CNKSR2: variants seen among roughly 807,000 people sequenced by gnomAD.
CNKSR2 encodes connector enhancer of kinase suppressor of Ras 2, also known as CNK homolog protein 2.
Under a neutral mutation model 84.4 loss-of-function variants are expected in CNKSR2, and 14 were observed. The observed-to-expected ratio is 0.17, with a 90% confidence interval of 0.11 to 0.26. The LOEUF (loss-of-function observed/expected upper bound fraction) is 0.26, where lower values mean the gene tolerates loss of function less well. CNKSR2 is among the 10% of genes least tolerant of loss of function. The pLI is 1.00. For synonymous variants in CNKSR2, 275 were observed against 277.9 expected (o/e 0.99, Z 0.10); for missense variants, 485 against 771.2 (o/e 0.63, Z 4.40).
chrX:21,479,034 T>G, intron 5 of CNKSR2, among the ~76,000 whole-genome samples: 1 of 111,702 alleles, frequency 9.0e-6, no homozygotes, highest in Non-Finnish European at 1.9e-5. Context: ...AACCATTAAG[T>G]CATTTCTTAC....
chrX:21,412,170 G>A (rs1321167857), intron 1 of CNKSR2, among the ~76,000 whole-genome samples: 2 of 111,675 alleles, frequency 1.8e-5, no homozygotes, highest in African/African-American at 6.5e-5. Context: ...AAGATTAGAC[G>A]TGTCCTCAGA....
At chrX:21,461,138 A>C (rs929904287) in intron 4 of CNKSR2, among the ~76,000 whole-genome samples, 8 of 112,390 alleles carry the variant, frequency 7.1e-5, no homozygotes, top group African/African-American at 2.6e-4. Context: ...GTACTAATAT[A>C]CATTCCCACC....
intron 9 of CNKSR2, among the ~76,000 whole-genome samples, chrX:21,516,854 G>A (rs1042421451): frequency 1.8e-5 from 2 of 111,011 alleles, no homozygotes; most frequent in African/African-American, 6.5e-5. Context: ...GCCTTAATTT[G>A]TAAACATTTA....
intron 4 of CNKSR2, among the ~76,000 whole-genome samples, chrX:21,450,495 G>A (rs2090914049): frequency 9.0e-6 from 1 of 111,625 alleles, no homozygotes; most frequent in South Asian, 3.7e-4. Flanking sequence ...AGATAAAAGA[G>A]ACAAACGTAT....
At chrX:21,385,065 A>G (rs977189905) in intron 1 of CNKSR2, among the ~76,000 whole-genome samples, 33 of 111,748 alleles carry the variant, frequency 3.0e-4, no homozygotes, top group African/African-American at 1.0e-3. Flanking sequence ...TCAGATAGGT[A>G]CACAATGGTT....
chrX:21,637,811 G>T (rs929587783), intron 20 of CNKSR2, among the ~76,000 whole-genome samples: 7 of 111,516 alleles, frequency 6.3e-5, no homozygotes, highest in African/African-American at 3.3e-5. Context: ...AAGAAGGGGA[G>T]GCTCCAAATA....
In CNKSR2 at chrX:21,470,786, A is replaced by G. The variant is rs775264986; in HGVS notation, c.540A>G (p.Thr180=). The change falls in exon 5 of 22, where the codon ACA becomes ACG. Residue 180 remains threonine (T), a synonymous_variant. Transcript: ENST00000379510. ...IVQQDCTVYE[T]ENKILHVCKT... ...TTCAGGATTGTACTGTATATGAAAC[A>G]GAGAATAAAATTCTTCACGTGGTGA... 3 of 1,019,928 alleles carry G rather than the reference A, an allele frequency of 2.9e-6. No individual in the cohort carries two copies. The highest frequency in any genetic ancestry group is 5.2e-5 in the Admixed American group (2 of 38,766). 84.1% of individuals were successfully genotyped at this position (1,019,928 alleles called of 1,213,427 possible). A position where few individuals can be genotyped will look rare whatever the true frequency, so the allele number is the denominator to read the frequency against.
At chrX:21,573,985 A>G (rs758225823) in intron 13 of CNKSR2, among the ~76,000 whole-genome samples, 5 of 111,308 alleles carry the variant, frequency 4.5e-5, no homozygotes, top group African/African-American at 1.6e-4. Flanking sequence ...TGCTCTGAGA[A>G]ATTTTTTTCA....
intron 2 of CNKSR2, among the ~76,000 whole-genome samples, chrX:21,432,092 T>C (rs1324070177): frequency 2.7e-5 from 3 of 111,980 alleles, no homozygotes; most frequent in Non-Finnish European, 5.6e-5. Context: ...TACATCATTA[T>C]GTAGAGTACG....
intron 5 of CNKSR2, among the ~76,000 whole-genome samples, chrX:21,482,875 A>G (rs2091336522): frequency 1.8e-5 from 2 of 111,686 alleles, no homozygotes; most frequent in African/African-American, 6.5e-5. Context: ...TTTGACATGT[A>G]AAGGGATTGT....
chrX:21,435,693 G>A (rs997397742), intron 3 of CNKSR2, among the ~76,000 whole-genome samples: 2 of 111,695 alleles, frequency 1.8e-5, no homozygotes, highest in African/African-American at 6.5e-5. Context: ...GCAGTTTTCT[G>A]TGGCTTTGCC....
chrX:21,639,387 T>A (rs2092684595), intron 20 of CNKSR2, among the ~76,000 whole-genome samples: 1 of 111,918 alleles, frequency 8.9e-6, no homozygotes, highest in Admixed American at 9.5e-5. Context: ...ATACTTAAGA[T>A]TCGTAATGCA....
intron 9 of CNKSR2, among the ~76,000 whole-genome samples, chrX:21,522,906 C>G (rs990073832): frequency 9.0e-6 from 1 of 110,986 alleles, no homozygotes; most frequent in Non-Finnish European, 1.9e-5. Flanking sequence ...TACATTCAAA[C>G]TGACAGTATG....
chrX:21,581,197 C>A (rs952657464), intron 13 of CNKSR2, among the ~76,000 whole-genome samples: 5 of 111,959 alleles, frequency 4.5e-5, no homozygotes, highest in Non-Finnish European at 7.5e-5. Context: ...CATTGGTGAT[C>A]ATTAACTGGT....
intron 20 of CNKSR2, chrX:21,641,772 TTGGGGGC>T: frequency 9.8e-7 from 1 of 1,024,535 alleles, no homozygotes; most frequent in Non-Finnish European, 1.2e-6. Context: ...GTGTTTTGGA[TTGGGGGC>T]CTCCCAAAGG....
Position 21,603,530 on chromosome X carries a change from T to C in CNKSR2, c.2044+2181T>C, listed in dbSNP as rs373384529. Among the ~76,000 whole-genome samples the C allele has an allele frequency of 4.4e-5, 5 of 112,594 alleles. No individual in the cohort carries two copies. The East Asian group carries it at 1.4e-3, about 31-fold the overall frequency. On this transcript the variant is annotated intron_variant, in intron 18 of 21. Coordinates refer to ENST00000379510, the MANE Select transcript of CNKSR2 (RefSeq NM_014927.5). ...ATACTGTTTCCATCTAAATAGCCAG[T>C]ATAGCTTAGAAGTGACTCTTTCATT...
At chrX:21,450,441 G>A (rs890903695) in intron 4 of CNKSR2, among the ~76,000 whole-genome samples, 3 of 111,079 alleles carry the variant, frequency 2.7e-5, no homozygotes, top group Non-Finnish European at 5.7e-5. Context: ...CACAATTACT[G>A]AAAAGAAATG....
intron 10 of CNKSR2, among the ~76,000 whole-genome samples, chrX:21,527,337 G>A (rs1157556119): frequency 9.1e-6 from 1 of 109,651 alleles, no homozygotes; most frequent in Non-Finnish European, 1.9e-5. Context: ...AAAATTTCAG[G>A]TTACTTTGAA....
rs756582831 is a variant in CNKSR2 at position 21,561,459 on chromosome X, C to T, written c.1304-12C>T. 1 of 1,180,868 alleles carries T rather than the reference C, an allele frequency of 8.5e-7. No homozygotes were observed. The highest frequency in any genetic ancestry group is 1.8e-5 in the South Asian group (1 of 55,660). On this transcript the variant is annotated splice_polypyrimidine_tract_variant and intron_variant, in intron 11 of 21. Transcript: ENST00000379510. The stretch of plus-strand genomic sequence containing the variant: ...AAAACAATGTGATGTGAACTTTGTT[C>T]TCTGTGTTTAGGCAAGCTACGACCT...
Sources: allele counts gnomAD v4.1 joint callset (sites outside exome capture counted in the v4.1 genomes callset), GRCh38; gene constraint gnomAD v4.1.1; transcripts MANE v1.5; gene names NCBI Gene and HGNC (gene_info 2026-07-23, HGNC 2026-07-21).